The following SNTG1 variants were observed in gnomAD, a reference collection of about 807,000 sequenced individuals.
SNTG1 encodes the protein syntrophin gamma 1.
Under a neutral mutation model 74.7 loss-of-function variants are expected in SNTG1, and 39 were observed. That is an observed-to-expected ratio of 0.52 (90% CI 0.40 to 0.68). The LOEUF is 0.68. SNTG1 is among the 30% of genes least tolerant of loss of function. The pLI is 0.00. For synonymous variants in SNTG1, 254 were observed against 217.1 expected, an observed-to-expected ratio of 1.17 and a Z score of -1.49; for missense variants, 685 against 609.5, an observed-to-expected ratio of 1.12 and a Z score of -1.30.
intron 1 of SNTG1, among the ~76,000 whole-genome samples, chr8:50,047,960 C>T (rs543360724): frequency 2.0e-5 from 3 of 152,136 alleles, no homozygotes; most frequent in African/African-American, 7.2e-5. Context: ...GATAATCATA[C>T]TAATTTCAAG....
chr8:50,047,683 G>A (rs527900328), intron 1 of SNTG1, among the ~76,000 whole-genome samples: 80 of 152,230 alleles, frequency 5.3e-4, no homozygotes, highest in African/African-American at 1.7e-3. Context: ...AACATAAAAT[G>A]TCCTCCCAGT....
At chr8:50,219,934 T>C (rs979432003) in intron 2 of SNTG1, among the ~76,000 whole-genome samples, 1 of 152,074 alleles carries the variant, frequency 6.6e-6, no homozygotes, top group African/African-American at 2.4e-5. Context: ...TTTCTTGAGA[T>C]CAAACATGAA....
At chr8:49,976,270 C>A (rs1351385878) in intron 1 of SNTG1, among the ~76,000 whole-genome samples, 2 of 152,010 alleles carry the variant, frequency 1.3e-5, no homozygotes, top group Non-Finnish European at 2.9e-5. Flanking sequence ...TTTTTTGTTT[C>A]ATAAAGTGAT....
At chr8:50,691,605 T>C (rs965572140) in intron 15 of SNTG1, among the ~76,000 whole-genome samples, 33 of 152,346 alleles carry the variant, frequency 2.2e-4, no homozygotes, top group African/African-American at 7.5e-4. Flanking sequence ...GTAGAGTTTC[T>C]GCCGAGAGAT....
chr8:49,997,576 A>C (rs1424204897), intron 1 of SNTG1, among the ~76,000 whole-genome samples: 1 of 152,088 alleles, frequency 6.6e-6, no homozygotes, highest in East Asian at 1.9e-4. Context: ...TGTTGCTAAA[A>C]CAATAAACAC....
chr8:50,701,844 C>T (rs1286467170), intron 15 of SNTG1, among the ~76,000 whole-genome samples: 1 of 148,802 alleles, frequency 6.7e-6, no homozygotes, highest in Non-Finnish European at 1.5e-5. Flanking sequence ...CCTCCTCCTT[C>T]TCCCTCTTCT....
chr8:50,523,520 G>T (rs1240759660), intron 9 of SNTG1, among the ~76,000 whole-genome samples: 1 of 152,090 alleles, frequency 6.6e-6, no homozygotes, highest in African/African-American at 2.4e-5. Flanking sequence ...ATATTATTGT[G>T]TCTTAGGGAA....
At chr8:50,603,657 G>A (rs1035819895) in intron 13 of SNTG1, among the ~76,000 whole-genome samples, 5 of 151,994 alleles carry the variant, frequency 3.3e-5, no homozygotes, top group African/African-American at 9.7e-5. Context: ...TTCTTTCTTG[G>A]GGAGGCTTTC....
At chr8:49,979,067 C>A (rs1181709785) in intron 1 of SNTG1, among the ~76,000 whole-genome samples, 1 of 152,222 alleles carries the variant, frequency 6.6e-6, no homozygotes, top group Non-Finnish European at 1.5e-5. Context: ...CATTCTATTT[C>A]GGTACATTAA....
chr8:50,146,350 T>G (rs535711592), intron 1 of SNTG1, among the ~76,000 whole-genome samples: 3 of 152,116 alleles, frequency 2.0e-5, no homozygotes, highest in Non-Finnish European at 4.4e-5. Context: ...AAACCCCGTC[T>G]GTACTAAATA....
At chr8:50,708,372 T>C (rs915720874) in intron 16 of SNTG1, 1 of 153,936 alleles carries the variant, frequency 6.5e-6, no homozygotes, top group African/African-American at 2.4e-5. Flanking sequence ...GTAAGACTGT[T>C]AAGATCAAGA....
chr8:49,930,033 T>C (rs1424378921), intron 1 of SNTG1, among the ~76,000 whole-genome samples: 1 of 151,934 alleles, frequency 6.6e-6, no homozygotes. Context: ...AAAAGCCTTA[T>C]AGGCATTGAA....
At position 50,534,887 on chromosome 8, in the gene SNTG1, G is replaced by C. The variant is rs752971762; in HGVS notation, c.550-1791G>C. ...GTAAGTCAAGCACTTAGTACAAGTA[G>C]GTATTATTAAAACTACTATTAAATA... is the stretch of plus-strand genomic sequence containing the variant. On this transcript the variant is annotated intron_variant, in intron 10 of 18. Transcript: ENST00000642720. 2.0e-3 allele frequency among the ~76,000 whole-genome samples: 308 copies of C among 152,208 alleles called. 2 individuals carry two copies. The highest frequency in any genetic ancestry group is 2.4e-3 in the Non-Finnish European group (165 of 68,004).
intron 1 of SNTG1, among the ~76,000 whole-genome samples, chr8:50,087,333 T>G (rs2131125695): frequency 6.6e-6 from 1 of 152,268 alleles, no homozygotes; most frequent in East Asian, 1.9e-4. Flanking sequence ...CAATTACCCC[T>G]CGGCTTTGGT....
chr8:50,224,365 C>G (rs2085222928), intron 2 of SNTG1, among the ~76,000 whole-genome samples: 1 of 152,108 alleles, frequency 6.6e-6, no homozygotes, highest in Non-Finnish European at 1.5e-5. Flanking sequence ...CTTTGTAGAT[C>G]CCACAGATCA....
intron 1 of SNTG1, among the ~76,000 whole-genome samples, chr8:49,983,966 CT>C (rs35983659): frequency 0.04 from 6,037 of 152,222 alleles, 410 homozygotes; most frequent in African/African-American, 0.14. Context: ...GTTTATTACT[CT>C]GAGGCACAAT....
At chr8:50,677,429 AG>A (rs1367446892) in intron 15 of SNTG1, among the ~76,000 whole-genome samples, 1 of 151,964 alleles carries the variant, frequency 6.6e-6, no homozygotes, top group African/African-American at 2.4e-5. Flanking sequence ...GTAAGAAAAA[AG>A]CTAGAAAATG....
intron 18 of SNTG1, among the ~76,000 whole-genome samples, chr8:50,778,091 C>T (rs1024900142): frequency 2.4e-4 from 37 of 152,258 alleles, no homozygotes; most frequent in African/African-American, 8.2e-4. Flanking sequence ...TTTTCTTAAT[C>T]GAGTCTATCA....
intron 2 of SNTG1, among the ~76,000 whole-genome samples, chr8:50,327,712 T>C (rs2090805703): frequency 6.6e-6 from 1 of 152,288 alleles, no homozygotes; most frequent in East Asian, 1.9e-4. Flanking sequence ...TTTCTATTCA[T>C]TGCCCTTCTT....
Sources: gnomAD v4.1 joint callset for allele counts (sites outside exome capture counted in the v4.1 genomes callset) on GRCh38, gnomAD v4.1.1 for gene constraint, MANE v1.5 for transcripts, NCBI Gene and HGNC (gene_info 2026-07-23, HGNC 2026-07-21) for gene names.